NTNG1: variants seen among roughly 807,000 people sequenced by gnomAD.
The protein encoded by NTNG1 is netrin-G1.
Under a neutral mutation model 54.0 loss-of-function variants are expected in NTNG1, and 16 were observed. The ratio of observed to expected loss-of-function variants is 0.30; its 90% CI spans 0.20 to 0.45. The LOEUF is 0.45. Among genes scored for constraint, NTNG1 ranks in the 20% least tolerant of loss-of-function variants. NTNG1 has a pLI of 1.00. For synonymous variants in NTNG1, 255 were observed against 263.1 expected (o/e 0.97, Z 0.30); for missense variants, 530 against 678.7 (o/e 0.78, Z 2.43).
intron 2 of NTNG1, among the ~76,000 whole-genome samples, chr1:107,199,432 T>C (rs1451130628): frequency 6.6e-6 from 1 of 151,978 alleles, no homozygotes; most frequent in Non-Finnish European, 1.5e-5. Context: ...ACACGAGTAT[T>C]AAATTGTATT....
chr1:107,253,403 A>C (rs1435936050), intron 2 of NTNG1, among the ~76,000 whole-genome samples: 1 of 152,256 alleles, frequency 6.6e-6, no homozygotes, highest in Non-Finnish European at 1.5e-5. Flanking sequence ...GTAAAGAAAC[A>C]GCTAATAAGG....
intron 2 of NTNG1, among the ~76,000 whole-genome samples, chr1:107,209,885 A>C (rs896555295): frequency 1.3e-5 from 1 of 76,552 alleles, no homozygotes; most frequent in Non-Finnish European, 2.7e-5. Flanking sequence ...CTGTCAATAC[A>C]GACTTCTTTT....
intron 2 of NTNG1, among the ~76,000 whole-genome samples, chr1:107,169,512 G>A (rs1256224212): frequency 6.6e-6 from 1 of 152,004 alleles, no homozygotes; most frequent in Non-Finnish European, 1.5e-5. Flanking sequence ...GTGCCAAGAA[G>A]CACCTCAAGC....
At chr1:107,438,535 A>G (rs1449273646) in intron 7 of NTNG1, among the ~76,000 whole-genome samples, 4 of 152,120 alleles carry the variant, frequency 2.6e-5, no homozygotes, top group African/African-American at 9.7e-5. Flanking sequence ...TCAGGAGAAG[A>G]GGAGAATAGG....
rs147222695 is a variant in NTNG1, at chr1:107,430,060, A to G, written c.1088-690A>G. ...TATTCTTGAAACTTAAGAGAAAAGG[A>G]GGGAATCTTAAAAGCACCTTTTCGC... On this transcript the variant is annotated intron_variant, in intron 5 of 7. Transcript: ENST00000370068. Among the ~76,000 whole-genome samples, 240 of 152,276 alleles carry G rather than the reference A, an allele frequency of 1.6e-3. 2 individuals are homozygous for G. Among genetic ancestry groups the G allele is most frequent in the African/African-American group, 5.5e-3 (230 of 41,572 alleles).
chr1:107,299,099 G>T (rs1270375294), intron 2 of NTNG1, among the ~76,000 whole-genome samples: 1 of 152,116 alleles, frequency 6.6e-6, no homozygotes, highest in East Asian at 1.9e-4. Context: ...GAAGAAGAAA[G>T]CAGGGAGAAA....
chr1:107,377,638 C>A (rs1671378528), intron 3 of NTNG1, among the ~76,000 whole-genome samples: 1 of 152,210 alleles, frequency 6.6e-6, no homozygotes, highest in Admixed American at 6.5e-5. Context: ...GAGATCAGAG[C>A]ACCACACTCC....
chr1:107,185,722 A>G (rs1472310141), intron 2 of NTNG1, among the ~76,000 whole-genome samples: 4 of 152,124 alleles, frequency 2.6e-5, no homozygotes, highest in Non-Finnish European at 4.4e-5. Flanking sequence ...AGCCACAATC[A>G]TACTGAGGTT....
chr1:107,326,635 G>C (rs1667970290), intron 3 of NTNG1, among the ~76,000 whole-genome samples: 2 of 152,018 alleles, frequency 1.3e-5, no homozygotes, highest in African/African-American at 2.4e-5. Context: ...TTTAATCCTA[G>C]TGTAATCTAC....
intron 7 of NTNG1, among the ~76,000 whole-genome samples, chr1:107,462,778 A>G (rs998092901): frequency 2.0e-5 from 3 of 152,250 alleles, no homozygotes; most frequent in African/African-American, 7.2e-5. Context: ...CAACAGAGTT[A>G]CCATTTGTTG....
intron 2 of NTNG1, among the ~76,000 whole-genome samples, chr1:107,154,618 A>G (rs1275193774): frequency 6.7e-6 from 1 of 150,186 alleles, no homozygotes; most frequent in African/African-American, 2.4e-5. Flanking sequence ...AAAAAAAAAA[A>G]AAAAAACTGG....
chr1:107,252,173 C>CT (rs1357623004), intron 2 of NTNG1, among the ~76,000 whole-genome samples: 1 of 152,166 alleles, frequency 6.6e-6, no homozygotes, highest in African/African-American at 2.4e-5. Context: ...TACATTTTGT[C>CT]TATTATTATT....
intron 3 of NTNG1, among the ~76,000 whole-genome samples, chr1:107,360,100 C>T (rs1043971720): frequency 6.6e-6 from 1 of 152,156 alleles, no homozygotes; most frequent in African/African-American, 2.4e-5. Context: ...GCCTGACAAC[C>T]GACCAACCCT....
At chr1:107,229,063 T>G (rs955343607) in intron 2 of NTNG1, among the ~76,000 whole-genome samples, 2 of 152,078 alleles carry the variant, frequency 1.3e-5, no homozygotes, top group East Asian at 3.9e-4. Flanking sequence ...CTAGATGCCT[T>G]TCAAAGATGT....
intron 7 of NTNG1, among the ~76,000 whole-genome samples, chr1:107,470,297 A>T (rs932294911): frequency 4.6e-5 from 7 of 150,988 alleles, no homozygotes; most frequent in Admixed American, 1.3e-4. Flanking sequence ...ACATATTTCT[A>T]AAAAAAACCC....
chr1:107,324,246 T>C (rs1449785260), intron 2 of NTNG1, 36 bp from the exon 3 acceptor site: 2 of 1,592,168 alleles, frequency 1.3e-6, no homozygotes, highest in Non-Finnish European at 1.7e-6. Context: ...GGCAAACCAG[T>C]GTTTTGATGC....
At chr1:107,269,378 A>G (rs1167642103) in intron 2 of NTNG1, among the ~76,000 whole-genome samples, 1 of 152,214 alleles carries the variant, frequency 6.6e-6, no homozygotes, top group Non-Finnish European at 1.5e-5. Flanking sequence ...CCTAATTAAA[A>G]TAGTATCCTC....
chr1:107,411,338 G>A (rs1673790534), intron 5 of NTNG1, among the ~76,000 whole-genome samples: 1 of 152,106 alleles, frequency 6.6e-6, no homozygotes, highest in Non-Finnish European at 1.5e-5. Flanking sequence ...TTAAACAAGG[G>A]AAGTGCTACC....
chr1:107,435,919 A>G (rs551790762), intron 6 of NTNG1, among the ~76,000 whole-genome samples: 4 of 152,328 alleles, frequency 2.6e-5, no homozygotes, highest in South Asian at 2.1e-4. Context: ...AAAATATCCT[A>G]TATAAGAATG....
Sources: allele counts gnomAD v4.1 joint callset (sites outside exome capture counted in the v4.1 genomes callset), GRCh38; gene constraint gnomAD v4.1.1; transcripts MANE v1.5; gene names NCBI Gene and HGNC (gene_info 2026-07-23, HGNC 2026-07-21).